The following NRF1 variants were observed in gnomAD, a reference collection of about 807,000 sequenced individuals.
NRF1 encodes the protein nuclear respiratory factor 1, also known as alpha palindromic-binding protein.
NRF1 carries 5 observed loss-of-function variants against 58.5 expected under a neutral mutation model. That is an observed-to-expected ratio of 0.09 (90% CI 0.04 to 0.18). The LOEUF (loss-of-function observed/expected upper bound fraction) is 0.18, where lower values mean the gene tolerates loss of function less well. NRF1 is among the 10% of genes least tolerant of loss of function. NRF1 has a pLI of 1.00. For synonymous variants in NRF1, 224 were observed against 246.7 expected, an observed-to-expected ratio of 0.91 and a Z score of 0.86; for missense variants, 288 against 657.7, an observed-to-expected ratio of 0.44 and a Z score of 6.15.
intron 7 of NRF1, among the ~76,000 whole-genome samples, chr7:129,710,945 A>ATT (rs760879471): frequency 7.1e-6 from 1 of 141,576 alleles, no homozygotes; most frequent in Non-Finnish European, 1.6e-5. Context: ...GCCTGGCTGA[A>ATT]TTTTTTTTTT....
chr7:129,619,735 T>TG (rs1491414840), intron 1 of NRF1, among the ~76,000 whole-genome samples: 4 of 87,668 alleles, frequency 4.6e-5, no homozygotes, highest in African/African-American at 1.6e-4. Context: ...TTGTTTGGGT[T>TG]GTTTTTTTTT....
intron 1 of NRF1, among the ~76,000 whole-genome samples, chr7:129,619,438 A>G (rs1461450177): frequency 9.1e-6 from 1 of 109,814 alleles, no homozygotes; most frequent in Non-Finnish European, 1.7e-5. Context: ...ATATATACAC[A>G]CACACACACA....
chr7:129,655,687 A>G (rs1375134465), intron 1 of NRF1, among the ~76,000 whole-genome samples: 1 of 151,976 alleles, frequency 6.6e-6, no homozygotes, highest in Non-Finnish European at 1.5e-5. Flanking sequence ...ACACCTGGCT[A>G]ATTTTTATAT....
intron 1 of NRF1, among the ~76,000 whole-genome samples, chr7:129,639,448 T>C (rs1801240477): frequency 1.3e-5 from 2 of 152,188 alleles, no homozygotes; most frequent in South Asian, 4.1e-4. Flanking sequence ...AAAATTCAAC[T>C]TAAAATAATT....
Position 129,727,380 on chromosome 7 carries a change from A to G in NRF1, c.1348+15A>G. On this transcript the variant is annotated intron_variant, in intron 10 of 10. Coordinates refer to ENST00000393232, the MANE Select transcript of NRF1 (RefSeq NM_005011.5). The stretch of plus-strand genomic sequence containing the variant: ...AGATGCTAATGGTAAGAGAGCATAA[A>G]TATTTTATTAAATTTCTTCCCTGTT... 6.4e-7 allele frequency: 1 copy of G among 1,569,880 alleles called. No homozygotes were observed. The highest frequency in any genetic ancestry group is 1.4e-5 in the African/African-American group (1 of 72,218).
intron 1 of NRF1, among the ~76,000 whole-genome samples, chr7:129,632,117 T>A (rs1261116979): frequency 6.6e-6 from 1 of 151,980 alleles, no homozygotes. Flanking sequence ...TCTAAAAAAA[T>A]TTTAAAAATT....
intron 5 of NRF1, 146 bp downstream of exon 5, chr7:129,690,692 C>A: frequency 1.2e-6 from 1 of 822,244 alleles, no homozygotes. Context: ...CAGTAGCAGC[C>A]TTGGAAAAGA....
chr7:129,716,198 G>A (rs1470510488), intron 8 of NRF1, among the ~76,000 whole-genome samples: 1 of 152,144 alleles, frequency 6.6e-6, no homozygotes, highest in Non-Finnish European at 1.5e-5. Context: ...GAAATGGGGT[G>A]AATGTGTGTG....
intron 2 of NRF1, among the ~76,000 whole-genome samples, chr7:129,658,403 G>A (rs1337167796): frequency 6.6e-6 from 1 of 151,988 alleles, no homozygotes; most frequent in African/African-American, 2.4e-5. Flanking sequence ...ACCAGCCTGG[G>A]CAATGTAGTG....
chr7:129,727,489 C>A, intron 10 of NRF1, 124 bp downstream of exon 10: 1 of 873,066 alleles, frequency 1.1e-6, no homozygotes, highest in Non-Finnish European at 1.7e-6. Context: ...CATTGGTAGA[C>A]ATTTCATGCC....
chr7:129,707,762 AGAGGTGAAGTGGCAGGCTTGGCAC>A (rs1159381342), intron 5 of NRF1, among the ~76,000 whole-genome samples: 1 of 152,066 alleles, frequency 6.6e-6, no homozygotes, highest in African/African-American at 2.4e-5. Flanking sequence ...GGGGACTTAG[AGAGGTGAAGTGGCAGGCTTGGCAC>A]AGGAATTAAC....
chr7:129,631,725 A>G (rs2402962), intron 1 of NRF1, among the ~76,000 whole-genome samples: 30,061 of 152,172 alleles, frequency 0.2, 3,980 homozygotes, highest in African/African-American at 0.38. Flanking sequence ...TTTTTATGAC[A>G]TTCTTAAAAG....
At chr7:129,747,209 G>A (rs1171338534) in intron 10 of NRF1, among the ~76,000 whole-genome samples, 1 of 152,180 alleles carries the variant, frequency 6.6e-6, no homozygotes, top group African/African-American at 2.4e-5. Context: ...ATATTGAGGA[G>A]TGGTTCTGCC....
At position 129,628,034 on chromosome 7, in the gene NRF1, C is replaced by CTT. The variant is rs67262888; in HGVS notation, c.-7+16236_-7+16237dup. ...CTTACTGTACTATAAGCCAATGGTT[C>CTT]TTTTTTTTTTTTTTTTTTTTTTTTT... On this transcript the variant is annotated intron_variant, in intron 1 of 10. Coordinates refer to ENST00000393232, the MANE Select transcript of NRF1 (RefSeq NM_005011.5). 4.7e-4 allele frequency among the ~76,000 whole-genome samples: 34 copies of CTT among 72,096 alleles called. 3 individuals are homozygous for CTT. Among genetic ancestry groups the CTT allele is most frequent in the Admixed American group, 1.1e-3 (5 of 4,592 alleles). The allele number at this position is 72,096 out of a possible 152,430, so 47.3% of individuals were successfully genotyped here. A position where few individuals can be genotyped will look rare whatever the true frequency, so the allele number is the denominator to read the frequency against.
intron 1 of NRF1, among the ~76,000 whole-genome samples, chr7:129,619,423 T>TACAC (rs1353426092): frequency 3.8e-4 from 33 of 87,356 alleles, no homozygotes; most frequent in African/African-American, 9.6e-4. Context: ...TATATATATA[T>TACAC]ATATATATAT....
intron 5 of NRF1, among the ~76,000 whole-genome samples, chr7:129,696,100 C>T (rs1186803884): frequency 4.8e-5 from 7 of 144,660 alleles, no homozygotes; most frequent in African/African-American, 7.7e-5. Flanking sequence ...CCAAATTAGC[C>T]GGGCTTAGTG....
intron 1 of NRF1, among the ~76,000 whole-genome samples, chr7:129,630,421 A>T (rs976830462): frequency 3.9e-5 from 6 of 152,190 alleles, no homozygotes; most frequent in Non-Finnish European, 8.8e-5. Flanking sequence ...GAGGGTCCTC[A>T]ACTAGGATGG....
chr7:129,739,012 G>A (rs1382277878), intron 10 of NRF1, among the ~76,000 whole-genome samples: 3 of 152,192 alleles, frequency 2.0e-5, no homozygotes, highest in African/African-American at 7.2e-5. Context: ...TCCTTTGCAG[G>A]ATTATTTTAA....
chr7:129,612,106 C>G (rs1156749691), intron 1 of NRF1, among the ~76,000 whole-genome samples: 1 of 150,446 alleles, frequency 6.6e-6, no homozygotes, highest in African/African-American at 2.4e-5. Context: ...TTCCGGCCTC[C>G]TCCGCCGCCT....
Sources: allele counts gnomAD v4.1 joint callset (sites outside exome capture counted in the v4.1 genomes callset), GRCh38; gene constraint gnomAD v4.1.1; transcripts MANE v1.5; gene names NCBI Gene and HGNC (gene_info 2026-07-23, HGNC 2026-07-21).